Variants in MITD1 observed in about 807,000 individuals in gnomAD.
MITD1 encodes the protein MIT domain-containing protein 1.
MITD1 carries 24 observed loss-of-function variants against 34.9 expected under a neutral mutation model. The observed-to-expected ratio is 0.69, with a 90% confidence interval of 0.50 to 0.97. The LOEUF is 0.97. MITD1 is among the 50% of genes least tolerant of loss of function. The pLI, the probability that MITD1 is intolerant of heterozygous loss-of-function variation, is 0.00. For missense variants in MITD1, 266 were observed against 294.6 expected (o/e 0.90, Z 0.71); for synonymous variants, 102 against 101.4 (o/e 1.01, Z -0.04).
intron 7 of MITD1, among the ~76,000 whole-genome samples, chr2:99,164,069 A>G (rs770955705): frequency 2.6e-5 from 4 of 152,284 alleles, no homozygotes; most frequent in South Asian, 4.1e-4. Context: ...GCTGGGGGGA[A>G]AGATCATATA....
chr2:99,179,862 C>T (rs1480243718), intron 1 of MITD1, among the ~76,000 whole-genome samples: 1 of 152,168 alleles, frequency 6.6e-6, no homozygotes, highest in African/African-American at 2.4e-5. Flanking sequence ...CCGCGCCCGG[C>T]CGGTAGAGTT....
intron 7 of MITD1, chr2:99,163,279 C>A: frequency 5.5e-6 from 2 of 361,554 alleles, no homozygotes; most frequent in South Asian, 2.4e-4. Context: ...TTCTTCTGAC[C>A]TCTAGGATCC....
chr2:99,165,340 T>C (rs527948806), downstream of MITD1, among the ~76,000 whole-genome samples: 1 of 152,148 alleles, frequency 6.6e-6, no homozygotes, highest in East Asian at 1.9e-4. Context: ...GTCCTGAGAT[T>C]ACAGGTGTGA....
At chr2:99,166,486 G>GAAAAAAA (rs367705088), downstream of MITD1, among the ~76,000 whole-genome samples, 17 of 116,860 alleles carry the variant, frequency 1.5e-4, no homozygotes, top group Admixed American at 5.4e-4. Context: ...GAGGAAATAA[G>GAAAAAAA]AAAAAAAAAA....
At chr2:99,171,007 C>CCATAT (rs1271217944) in intron 4 of MITD1, 1 of 284,690 alleles carries the variant, frequency 3.5e-6, no homozygotes, top group African/African-American at 2.2e-5. Flanking sequence ...ATGCCCACTA[C>CCATAT]CATATCATAT....
chr2:99,164,656 A>G (rs1253427517), downstream of MITD1, among the ~76,000 whole-genome samples: 2 of 152,150 alleles, frequency 1.3e-5, no homozygotes, highest in Admixed American at 6.5e-5. Flanking sequence ...TGGGACAAAC[A>G]TGATTGGCAG....
intron 1 of MITD1, among the ~76,000 whole-genome samples, chr2:99,176,215 G>A (rs2093885588): frequency 6.6e-6 from 1 of 152,190 alleles, no homozygotes; most frequent in Admixed American, 6.5e-5. Flanking sequence ...GCCTTCCGAA[G>A]TGCTGGGATT....
At chr2:99,166,811 G>C (rs2093829093), downstream of MITD1, among the ~76,000 whole-genome samples, 1 of 145,640 alleles carries the variant, frequency 6.9e-6, no homozygotes, top group Non-Finnish European at 1.5e-5. Context: ...TTGCTCTTAA[G>C]AGTTCTGGGG....
intron 7 of MITD1, chr2:99,163,165 T>A: frequency 1.2e-6 from 1 of 824,238 alleles, no homozygotes; most frequent in Non-Finnish European, 1.8e-6. Context: ...AAACCTAGTC[T>A]CTTTTAGTAA....
At chr2:99,166,892 TATATAA>T (rs1343210221), downstream of MITD1, among the ~76,000 whole-genome samples, 1 of 127,244 alleles carries the variant, frequency 7.9e-6, no homozygotes, top group Admixed American at 8.2e-5. Flanking sequence ...TATATATATA[TATATAA>T]ATTTTTCATT....
downstream of MITD1, chr2:99,161,457 A>ATTT (rs1478429207): frequency 6.6e-6 from 1 of 150,844 alleles, no homozygotes; most frequent in African/African-American, 2.4e-5. Context: ...CAATGCTTTT[A>ATTT]TTTTTTTCTT....
intron 7 of MITD1, chr2:99,162,243 C>T (rs1265692373): frequency 6.2e-7 from 1 of 1,613,642 alleles, no homozygotes; most frequent in East Asian, 2.2e-5. Flanking sequence ...AGGTATAAAA[C>T]TGGCTCGGAG....
intron 2 of MITD1, chr2:99,173,239 G>T: frequency 3.6e-6 from 1 of 274,104 alleles, no homozygotes; most frequent in Non-Finnish European, 7.7e-6. Context: ...GGTGTAGAAA[G>T]TATAGAGAGG....
At chr2:99,162,471 A>G in intron 7 of MITD1, 1 of 1,614,120 alleles carries the variant, frequency 6.2e-7, no homozygotes, top group South Asian at 1.1e-5. Flanking sequence ...GATCGGCCGG[A>G]CTACTGCCTA....
intron 7 of MITD1, chr2:99,162,767 G>A: frequency 6.2e-7 from 1 of 1,614,140 alleles, no homozygotes; most frequent in Non-Finnish European, 8.5e-7. Flanking sequence ...AAACTTGGGA[G>A]TGGATATATG....
At chr2:99,164,139 G>C (rs371987685) in intron 7 of MITD1, among the ~76,000 whole-genome samples, 10 of 152,094 alleles carry the variant, frequency 6.6e-5, no homozygotes, top group Admixed American at 6.6e-4. Context: ...TCTTTCTGCT[G>C]GTGTCAGATT....
chr2:99,167,589 T>G (rs1445292965), downstream of MITD1, among the ~76,000 whole-genome samples: 1 of 152,200 alleles, frequency 6.6e-6, no homozygotes, highest in Non-Finnish European at 1.5e-5. Context: ...ATTCATATGC[T>G]TTAGAAATCA....
rs757427572 is a variant in MITD1 at position 99,171,507 on chromosome 2, T to C, written c.390+3A>G. 1 of 1,605,666 alleles carries C rather than the reference T, an allele frequency of 6.2e-7. No individual in the cohort carries two copies. Among genetic ancestry groups the C allele is most frequent in the Non-Finnish European group, 8.5e-7 (1 of 1,172,578 alleles). On this transcript the variant is annotated splice_donor_region_variant and intron_variant, in intron 3 of 6. Transcript: ENST00000289359. The stretch of plus-strand genomic sequence containing the variant: ...TTCATTATATTTTAGTATGTTCACA[T>C]ACCTGATGAGTATGTCTAATATAAG...
chr2:99,176,721 AGTG>A (rs2093889917), intron 1 of MITD1, among the ~76,000 whole-genome samples: 1 of 152,074 alleles, frequency 6.6e-6, no homozygotes, highest in East Asian at 1.9e-4. Flanking sequence ...AGCTGTCGTT[AGTG>A]TTAGTGTATT....
Sources: allele counts gnomAD v4.1 joint callset (sites outside exome capture counted in the v4.1 genomes callset), GRCh38; gene constraint gnomAD v4.1.1; transcripts MANE v1.5; gene names NCBI Gene and HGNC (gene_info 2026-07-23, HGNC 2026-07-21).